The following EYA1 variants were observed in gnomAD, a reference collection of about 807,000 sequenced individuals.
EYA1 encodes EYA transcriptional coactivator and phosphatase 1.
In EYA1, 16 loss-of-function variants were observed where a neutral mutation model predicts 82.0. The ratio of observed to expected loss-of-function variants is 0.20; its 90% confidence interval spans 0.13 to 0.30. The LOEUF is 0.30. EYA1 is among the 10% of genes least tolerant of loss of function. The pLI is 1.00. For synonymous variants in EYA1, 261 were observed against 264.4 expected, an observed-to-expected ratio of 0.99 and a Z score of 0.12; for missense variants, 633 against 730.7, an observed-to-expected ratio of 0.87 and a Z score of 1.54.
At chr8:71,510,738 T>C (rs1279237055) in intron 2 of EYA1, among the ~76,000 whole-genome samples, 1 of 152,164 alleles carries the variant, frequency 6.6e-6, no homozygotes, top group Non-Finnish European at 1.5e-5. Context: ...AGCCAAACCA[T>C]ATGAAGCACT....
intron 9 of EYA1, among the ~76,000 whole-genome samples, chr8:71,274,219 C>T (rs1816867423): frequency 6.6e-6 from 1 of 152,148 alleles, no homozygotes; most frequent in Admixed American, 6.5e-5. Flanking sequence ...TTAAAATACA[C>T]CCACACCCGT....
intron 3 of EYA1, among the ~76,000 whole-genome samples, chr8:71,343,044 A>T (rs1055021872): frequency 3.9e-5 from 6 of 152,200 alleles, no homozygotes; most frequent in African/African-American, 1.4e-4. Context: ...AGGTTTTATT[A>T]GAAAATGTTA....
intron 2 of EYA1, among the ~76,000 whole-genome samples, chr8:71,464,474 A>C (rs933602498): frequency 6.6e-6 from 1 of 152,230 alleles, no homozygotes; most frequent in African/African-American, 2.4e-5. Flanking sequence ...CCACTTACAC[A>C]GGTAAAGGGC....
chr8:71,239,604 GT>G (rs1298353811), intron 12 of EYA1, among the ~76,000 whole-genome samples: 1 of 152,182 alleles, frequency 6.6e-6, no homozygotes, highest in East Asian at 1.9e-4. Flanking sequence ...TTCCATATGT[GT>G]GTACATATAC....
chr8:71,484,274 G>C (rs556649660), intron 2 of EYA1, among the ~76,000 whole-genome samples: 2 of 152,302 alleles, frequency 1.3e-5, no homozygotes, highest in African/African-American at 4.8e-5. Flanking sequence ...AACAAGAGAA[G>C]CAGAACATTG....
At chr8:71,332,679 A>G (rs1824026062) in intron 4 of EYA1, among the ~76,000 whole-genome samples, 1 of 152,052 alleles carries the variant, frequency 6.6e-6, no homozygotes, top group African/African-American at 2.4e-5. Flanking sequence ...TGACCATGCG[A>G]CCCCTTTCCT....
intron 2 of EYA1, among the ~76,000 whole-genome samples, chr8:71,410,067 G>T (rs369963795): frequency 6.6e-6 from 1 of 152,052 alleles, no homozygotes; most frequent in Non-Finnish European, 1.5e-5. Context: ...TATAAGGCTG[G>T]TTCAATATAC....
intron 2 of EYA1, among the ~76,000 whole-genome samples, chr8:71,444,961 A>G (rs1396759160): frequency 6.6e-6 from 1 of 152,248 alleles, no homozygotes. Flanking sequence ...TGTTAATTCA[A>G]ACCATGTGTG....
At chr8:71,312,335 T>C (rs1586307832) in intron 7 of EYA1, among the ~76,000 whole-genome samples, 1 of 152,334 alleles carries the variant, frequency 6.6e-6, no homozygotes, top group East Asian at 1.9e-4. Context: ...GGTCTGACAG[T>C]TCTAAGCCAT....
chr8:71,233,652 C>T (rs1811499536), intron 12 of EYA1, among the ~76,000 whole-genome samples: 1 of 151,902 alleles, frequency 6.6e-6, no homozygotes, highest in Admixed American at 6.6e-5. Context: ...TGGAACCACG[C>T]TGCATATCAT....
chr8:71,431,761 TC>T (rs1302182470), intron 2 of EYA1, among the ~76,000 whole-genome samples: 1 of 151,960 alleles, frequency 6.6e-6, no homozygotes, highest in African/African-American at 2.4e-5. Context: ...CTTTACACAA[TC>T]CCCCCCATCC....
intron 4 of EYA1, chr8:71,322,542 T>C: frequency 2.3e-6 from 1 of 443,962 alleles, no homozygotes; most frequent in Non-Finnish European, 4.2e-6. Context: ...GCTGGCATGC[T>C]GTGAGTTTTT....
intron 2 of EYA1, among the ~76,000 whole-genome samples, chr8:71,435,992 T>C: frequency 6.6e-6 from 1 of 152,168 alleles, no homozygotes; most frequent in South Asian, 2.1e-4. Flanking sequence ...TCATTTTAAT[T>C]TTGGTCCTTT....
intron 2 of EYA1, among the ~76,000 whole-genome samples, chr8:71,517,707 C>CTATA (rs60132408): frequency 0.15 from 21,764 of 141,488 alleles, 2,540 homozygotes; most frequent in East Asian, 0.6. Context: ...GGAAAACATA[C>CTATA]TATATATATA....
intron 9 of EYA1, among the ~76,000 whole-genome samples, chr8:71,296,691 T>TA (rs1417825669): frequency 2.6e-5 from 4 of 151,972 alleles, no homozygotes; most frequent in African/African-American, 9.7e-5. Context: ...TTTAACAATG[T>TA]AAAAAATTCT....
At chr8:71,479,875 T>C (rs1809995715) in intron 2 of EYA1, among the ~76,000 whole-genome samples, 1 of 152,150 alleles carries the variant, frequency 6.6e-6, no homozygotes, top group Non-Finnish European at 1.5e-5. Flanking sequence ...ACAAAAATTA[T>C]TTATATATAA....
At chr8:71,385,366 A>G (rs917221460) in intron 2 of EYA1, among the ~76,000 whole-genome samples, 3 of 152,138 alleles carry the variant, frequency 2.0e-5, no homozygotes, top group Non-Finnish European at 4.4e-5. Flanking sequence ...CTAAAAGAAT[A>G]AATGATCACT....
At chr8:71,470,008 G>A (rs1252360005) in intron 2 of EYA1, among the ~76,000 whole-genome samples, 1 of 152,058 alleles carries the variant, frequency 6.6e-6, no homozygotes, top group Non-Finnish European at 1.5e-5. Context: ...AGCTATAACA[G>A]CATCCATTCA....
chr8:71,290,856 C>A (rs1330533678), intron 9 of EYA1, among the ~76,000 whole-genome samples: 4 of 152,128 alleles, frequency 2.6e-5, no homozygotes, highest in African/African-American at 9.7e-5. Context: ...ACAAACCCAA[C>A]AACCCAAAAC....
Sources: gnomAD v4.1 joint callset for allele counts (sites outside exome capture counted in the v4.1 genomes callset) on GRCh38, gnomAD v4.1.1 for gene constraint, MANE v1.5 for transcripts, NCBI Gene and HGNC (gene_info 2026-07-23, HGNC 2026-07-21) for gene names.